IMMP2L: variants seen among roughly 807,000 people sequenced by gnomAD.
The protein encoded by IMMP2L is mitochondrial inner membrane protease subunit 2.
IMMP2L carries 18 observed loss-of-function variants against 19.3 expected under a neutral mutation model. The observed-to-expected ratio is 0.93, with a 90% CI of 0.64 to 1.38. IMMP2L has a LOEUF of 1.38. Among genes scored for constraint, IMMP2L ranks in the 40% most tolerant of loss-of-function variants. IMMP2L has a pLI of 0.00. For missense variants in IMMP2L, 233 were observed against 218.2 expected, an observed-to-expected ratio of 1.07 and a Z score of -0.43; for synonymous variants, 76 against 73.0, an observed-to-expected ratio of 1.04 and a Z score of -0.21.
chr7:110,826,455 A>G (rs1055278583), intron 5 of IMMP2L, among the ~76,000 whole-genome samples: 3 of 152,198 alleles, frequency 2.0e-5, no homozygotes, highest in South Asian at 2.1e-4. Context: ...CATCAATGAT[A>G]GACTGGATTA....
At chr7:111,258,266 C>A (rs1445508468) in intron 3 of IMMP2L, among the ~76,000 whole-genome samples, 1 of 152,066 alleles carries the variant, frequency 6.6e-6, no homozygotes, top group Non-Finnish European at 1.5e-5. Flanking sequence ...TAACATGTCA[C>A]CCCTCATGTG....
chr7:111,270,331 C>T (rs1408046701), intron 3 of IMMP2L, among the ~76,000 whole-genome samples: 1 of 152,092 alleles, frequency 6.6e-6, no homozygotes. Flanking sequence ...CTTAAAGAAA[C>T]CTTTTCAACT....
chr7:111,534,091 C>A (rs554720983), intron 1 of IMMP2L, among the ~76,000 whole-genome samples: 4 of 151,988 alleles, frequency 2.6e-5, no homozygotes, highest in Admixed American at 6.6e-5. Context: ...CAAAGTACTA[C>A]TTTAGTCTAT....
chr7:111,178,930 T>C (rs1807388010), intron 3 of IMMP2L, among the ~76,000 whole-genome samples: 1 of 152,048 alleles, frequency 6.6e-6, no homozygotes. Flanking sequence ...ATCACAAATG[T>C]TCTTAATGGC....
chr7:111,119,110 C>A (rs781326627), intron 3 of IMMP2L, among the ~76,000 whole-genome samples: 2 of 152,124 alleles, frequency 1.3e-5, no homozygotes, highest in Non-Finnish European at 2.9e-5. Context: ...GATATAGGTA[C>A]CTCTCTGCTC....
At chr7:110,817,557 C>T (rs375208124) in intron 5 of IMMP2L, among the ~76,000 whole-genome samples, 1 of 151,894 alleles carries the variant, frequency 6.6e-6, no homozygotes, top group Non-Finnish European at 1.5e-5. Context: ...TTATAGATTC[C>T]ATGCCATCCC....
chr7:110,959,000 G>A (rs1227817057), intron 4 of IMMP2L, among the ~76,000 whole-genome samples: 1 of 152,066 alleles, frequency 6.6e-6, no homozygotes, highest in Non-Finnish European at 1.5e-5. Context: ...ACCCTTAAGT[G>A]CTCTTTAAGC....
intron 1 of IMMP2L, among the ~76,000 whole-genome samples, chr7:111,557,902 T>G (rs1791557691): frequency 2.0e-5 from 3 of 151,808 alleles, no homozygotes; most frequent in African/African-American, 7.3e-5. Context: ...CAACTGGACT[T>G]TGAGTATAGA....
At chr7:111,060,424 C>A (rs1348819345) in intron 3 of IMMP2L, among the ~76,000 whole-genome samples, 1 of 152,194 alleles carries the variant, frequency 6.6e-6, no homozygotes, top group Non-Finnish European at 1.5e-5. Context: ...CTCAAGAATT[C>A]CACTTTTCTC....
chr7:110,981,397 C>T (rs1273527875), intron 3 of IMMP2L, among the ~76,000 whole-genome samples: 1 of 152,024 alleles, frequency 6.6e-6, no homozygotes, highest in Non-Finnish European at 1.5e-5. Context: ...ATGCCTTATA[C>T]AGCTCATAGG....
chr7:111,009,026 C>T (rs1450424586), intron 3 of IMMP2L, among the ~76,000 whole-genome samples: 3 of 152,098 alleles, frequency 2.0e-5, no homozygotes, highest in East Asian at 3.9e-4. Context: ...CTATATGGTC[C>T]ACAGGTCACA....
At chr7:111,529,912 T>C (rs904031394) in intron 1 of IMMP2L, among the ~76,000 whole-genome samples, 2 of 152,164 alleles carry the variant, frequency 1.3e-5, no homozygotes, top group South Asian at 2.1e-4. Context: ...AGGAAACAAC[T>C]AGGATACAGA....
At chr7:110,804,204 T>C (rs1482095881) in intron 5 of IMMP2L, among the ~76,000 whole-genome samples, 1 of 152,068 alleles carries the variant, frequency 6.6e-6, no homozygotes, top group East Asian at 1.9e-4. Flanking sequence ...CTGATCTTGG[T>C]ATTAGAAACA....
chr7:110,871,014 G>A (rs1808488764), intron 5 of IMMP2L, among the ~76,000 whole-genome samples: 1 of 152,056 alleles, frequency 6.6e-6, no homozygotes, highest in African/African-American at 2.4e-5. Context: ...CAGCAGTAGA[G>A]ATGGAATAAA....
chr7:111,262,370 G>A (rs1449370457), intron 3 of IMMP2L, among the ~76,000 whole-genome samples: 1 of 152,050 alleles, frequency 6.6e-6, no homozygotes, highest in Non-Finnish European at 1.5e-5. Flanking sequence ...TGAATGAAGT[G>A]AATGAGCCGG....
At chr7:111,286,158 TCAGGA>T (rs1820455519) in intron 3 of IMMP2L, among the ~76,000 whole-genome samples, 1 of 151,496 alleles carries the variant, frequency 6.6e-6, no homozygotes, top group South Asian at 2.1e-4. Flanking sequence ...GAAGATGGAG[TCAGGA>T]CAGTTCACGA....
At chr7:111,359,409 C>T (rs1387084669) in intron 3 of IMMP2L, among the ~76,000 whole-genome samples, 1 of 152,030 alleles carries the variant, frequency 6.6e-6, no homozygotes, top group Admixed American at 6.6e-5. Flanking sequence ...TCAACAGATT[C>T]TCCTGCCTCA....
At chr7:111,503,546 A>G (rs1446104248) in intron 2 of IMMP2L, among the ~76,000 whole-genome samples, 1 of 152,194 alleles carries the variant, frequency 6.6e-6, no homozygotes, top group Non-Finnish European at 1.5e-5. Flanking sequence ...AATATCCTTG[A>G]TGAACATTGA....
intron 2 of IMMP2L, among the ~76,000 whole-genome samples, chr7:111,513,907 T>C (rs2132595144): frequency 6.6e-6 from 1 of 152,010 alleles, no homozygotes; most frequent in South Asian, 2.1e-4. Flanking sequence ...CTAGAGAACA[T>C]TATGTTAAAT....
Sources: gnomAD v4.1 joint callset for allele counts (sites outside exome capture counted in the v4.1 genomes callset) on GRCh38, gnomAD v4.1.1 for gene constraint, MANE v1.5 for transcripts, NCBI Gene and HGNC (gene_info 2026-07-23, HGNC 2026-07-21) for gene names.